The following SARNP variants were observed in gnomAD, a reference collection of about 807,000 sequenced individuals.
The protein encoded by SARNP is SAP domain-containing ribonucleoprotein.
A neutral mutation model predicts 38.1 loss-of-function variants in SARNP; 5 were observed. The observed-to-expected ratio is 0.13, with a 90% CI of 0.07 to 0.28. The LOEUF (loss-of-function observed/expected upper bound fraction) is 0.28. Among genes scored for constraint, SARNP ranks in the 10% least tolerant of loss-of-function variants. The pLI, the probability that SARNP is intolerant of heterozygous loss-of-function variation, is 1.00. For missense variants in SARNP, 180 were observed against 243.9 expected, an observed-to-expected ratio of 0.74 and a Z score of 1.75; for synonymous variants, 84 against 80.6, an observed-to-expected ratio of 1.04 and a Z score of -0.23.
At chr12:55,795,635 T>C (rs1480196493) in intron 5 of SARNP, among the ~76,000 whole-genome samples, 1 of 152,160 alleles carries the variant, frequency 6.6e-6, no homozygotes, top group African/African-American at 2.4e-5. Flanking sequence ...AGATCTCAAA[T>C]GGAACCTGGT....
At chr12:55,798,451 T>C (rs774453038) in intron 4 of SARNP, among the ~76,000 whole-genome samples, 10 of 152,180 alleles carry the variant, frequency 6.6e-5, no homozygotes, top group Admixed American at 3.3e-4. Flanking sequence ...TGAGCCAAGA[T>C]TGTGCCACTG....
intron 2 of SARNP, among the ~76,000 whole-genome samples, chr12:55,802,282 C>A (rs1592578769): frequency 1.3e-5 from 2 of 151,670 alleles, no homozygotes; most frequent in Admixed American, 1.3e-4. Context: ...GGGCATATAC[C>A]CCAAAAAGAC....
intron 9 of SARNP, among the ~76,000 whole-genome samples, chr12:55,768,209 T>A (rs571178179): frequency 5.3e-5 from 8 of 150,934 alleles, no homozygotes; most frequent in Non-Finnish European, 8.9e-5. Context: ...CACTGCAACC[T>A]CCGCCTCCCG....
At chr12:55,805,237 G>A (rs184092266) in intron 1 of SARNP, among the ~76,000 whole-genome samples, 37 of 152,284 alleles carry the variant, frequency 2.4e-4, no homozygotes, top group Admixed American at 1.2e-3. Flanking sequence ...CTCCAGCCTG[G>A]GCGAAAGTGC....
At chr12:55,790,447 GA>G in intron 8 of SARNP, 119 bp downstream of exon 8, 2 of 1,140,644 alleles carry the variant, frequency 1.8e-6, no homozygotes, top group Non-Finnish European at 2.4e-6. Flanking sequence ...ACATTGTACT[GA>G]AAAGAGTCAA....
intron 1 of SARNP, among the ~76,000 whole-genome samples, chr12:55,811,473 C>A (rs1880325077): frequency 6.6e-6 from 1 of 151,898 alleles, no homozygotes. Context: ...GGAGCAGGGG[C>A]TGAGGTGGAT....
chr12:55,790,518 ATATAGAAT>A, intron 8 of SARNP, 41 bp downstream of exon 8: 1 of 1,534,616 alleles, frequency 6.5e-7, no homozygotes, highest in Non-Finnish European at 8.8e-7. Flanking sequence ...AAAGTTAGCT[ATATAGAAT>A]TAAGATCTGG....
chr12:55,797,631 T>C (rs561534382), intron 4 of SARNP, among the ~76,000 whole-genome samples: 6 of 152,312 alleles, frequency 3.9e-5, no homozygotes, highest in Admixed American at 2.6e-4. Context: ...GCACAGTCAA[T>C]GCAGTGCACA....
chr12:55,760,769 A>G, intron 9 of SARNP, 129 bp from the exon 10 acceptor site: 1 of 660,542 alleles, frequency 1.5e-6, no homozygotes, highest in South Asian at 1.8e-5. Context: ...GATCACATAA[A>G]GAGATAAGAT....
intron 9 of SARNP, among the ~76,000 whole-genome samples, chr12:55,767,166 G>A (rs1417998760): frequency 2.0e-5 from 3 of 152,240 alleles, no homozygotes; most frequent in African/African-American, 4.8e-5. Context: ...TTTTATTGCC[G>A]TATTTCTCCT....
At chr12:55,804,228 CA>C (rs1880068820) in intron 1 of SARNP, among the ~76,000 whole-genome samples, 1 of 152,026 alleles carries the variant, frequency 6.6e-6, no homozygotes, top group Admixed American at 6.6e-5. Context: ...CTAATGTGAA[CA>C]ATGAATTGAT....
chr12:55,802,499 C>G (rs1461587628), intron 2 of SARNP, among the ~76,000 whole-genome samples: 1 of 151,906 alleles, frequency 6.6e-6, no homozygotes, highest in Non-Finnish European at 1.5e-5. Context: ...TGCAATGGGT[C>G]ACAGTCAAAA....
chr12:55,803,175 C>T (rs1880035218), intron 2 of SARNP, among the ~76,000 whole-genome samples: 1 of 152,038 alleles, frequency 6.6e-6, no homozygotes, highest in African/African-American at 2.4e-5. Flanking sequence ...AGGACTTGTA[C>T]AACCTAAGAT....
At chr12:55,790,372 T>A (rs1452478617) in intron 8 of SARNP, among the ~76,000 whole-genome samples, 195 bp downstream of exon 8, 1 of 152,192 alleles carries the variant, frequency 6.6e-6, no homozygotes, top group African/African-American at 2.4e-5. Context: ...CTGCAGTAAT[T>A]GAACATGTGA....
intron 8 of SARNP, among the ~76,000 whole-genome samples, 170 bp downstream of exon 8, chr12:55,790,397 T>A (rs1269255209): frequency 4.6e-5 from 7 of 152,166 alleles, no homozygotes; most frequent in Non-Finnish European, 1.0e-4. Context: ...TTTCCTGACC[T>A]CTCAGTATCT....
chr12:55,772,571 CACACTTG>C (rs1879038759), intron 9 of SARNP, among the ~76,000 whole-genome samples: 1 of 152,144 alleles, frequency 6.6e-6, no homozygotes, highest in East Asian at 1.9e-4. Context: ...ATGAAGGTGT[CACACTTG>C]ACACCCCCAG....
At chr12:55,774,902 T>TTG (rs1555172036) in intron 9 of SARNP, among the ~76,000 whole-genome samples, 5 of 148,300 alleles carry the variant, frequency 3.4e-5, no homozygotes, top group African/African-American at 1.3e-4. Context: ...TTTTTTTTTT[T>TTG]GGCAGATGGA....
In SARNP at chr12:55,770,640, T is replaced by C. The variant is rs79035177; in HGVS notation, c.502-10000A>G. On this transcript the variant is annotated intron_variant, in intron 9 of 10. Transcript: ENST00000336133. The stretch of plus-strand genomic sequence containing the variant: ...GCAAAAGGAAGATCAGATGCAACAA[T>C]TGGCAGCTGAATACCACAGATATTT... 1.6e-3 allele frequency among the ~76,000 whole-genome samples: 249 copies of C among 152,258 alleles called. 1 individual carries two copies. Among genetic ancestry groups the C allele is most frequent in the African/African-American group, 5.2e-3 (218 of 41,556 alleles).
chr12:55,788,876 C>T (rs1879583520), intron 9 of SARNP, among the ~76,000 whole-genome samples, 199 bp downstream of exon 9: 1 of 152,210 alleles, frequency 6.6e-6, no homozygotes, highest in African/African-American at 2.4e-5. Context: ...AAACAATCCA[C>T]GGGAAAAAAC....
Sources: allele counts gnomAD v4.1 joint callset (sites outside exome capture counted in the v4.1 genomes callset), GRCh38; gene constraint gnomAD v4.1.1; transcripts MANE v1.5; gene names NCBI Gene and HGNC (gene_info 2026-07-23, HGNC 2026-07-21).